Variants in DAB1 observed in about 807,000 individuals in gnomAD.
The protein encoded by DAB1 is disabled homolog 1.
A neutral mutation model predicts 64.6 loss-of-function variants in DAB1; 15 were observed. The ratio of observed to expected loss-of-function variants is 0.23; its 90% CI spans 0.16 to 0.36. DAB1 has a LOEUF of 0.36. Among genes scored for constraint, DAB1 ranks in the 10% least tolerant of loss-of-function variants. DAB1 has a pLI of 1.00. For missense variants in DAB1, 596 were observed against 706.7 expected (o/e 0.84, Z 1.78); for synonymous variants, 235 against 251.9 (o/e 0.93, Z 0.64).
At chr1:57,019,351 A>G (rs764110721) in intron 11 of DAB1, among the ~76,000 whole-genome samples, 6 of 151,880 alleles carry the variant, frequency 4.0e-5, no homozygotes, top group Non-Finnish European at 8.8e-5. Flanking sequence ...TTCCCCTCCC[A>G]TCTTTTATTT....
intron 5 of DAB1, among the ~76,000 whole-genome samples, chr1:57,908,200 G>T (rs1202797): frequency 6.6e-6 from 1 of 151,816 alleles, no homozygotes; most frequent in Non-Finnish European, 1.5e-5. Flanking sequence ...ACCAGCCCAG[G>T]GCCCAGGTCC....
chr1:57,792,174 T>G (rs1269632102), intron 6 of DAB1, among the ~76,000 whole-genome samples: 1 of 152,208 alleles, frequency 6.6e-6, no homozygotes, highest in Non-Finnish European at 1.5e-5. Flanking sequence ...ATTCTCATCT[T>G]GACATCCCCT....
Position 57,737,821 on chromosome 1 carries a change from T to C in DAB1, n.552-88156A>G, listed in dbSNP as rs74319496. On this transcript the variant is annotated intron_variant and non_coding_transcript_variant, in intron 6 of 20. Transcript: ENST00000485760. ...ATTATACCCTCACACAATCCTTTTG[T>C]AATTCTTGTCTTCAGAATATCAGGA... is the stretch of plus-strand genomic sequence containing the variant. 2.9e-3 allele frequency among the ~76,000 whole-genome samples: 440 copies of C among 152,344 alleles called. 21 individuals carry two copies. In the East Asian group the frequency reaches 0.078, roughly 27 times the overall value.
intron 1 of DAB1, among the ~76,000 whole-genome samples, chr1:57,422,831 C>G (rs1249524833): frequency 6.6e-6 from 1 of 152,196 alleles, no homozygotes; most frequent in Non-Finnish European, 1.5e-5. Flanking sequence ...CCACTGCCCC[C>G]CATCAGGCCC....
At chr1:57,597,378 T>A (rs940354261) in intron 7 of DAB1, among the ~76,000 whole-genome samples, 15 of 152,358 alleles carry the variant, frequency 9.8e-5, no homozygotes, top group South Asian at 2.1e-4. Flanking sequence ...AAAAATTCCC[T>A]TCCTAGCTGT....
chr1:57,972,361 C>T (rs930012317), intron 5 of DAB1, among the ~76,000 whole-genome samples: 1 of 152,138 alleles, frequency 6.6e-6, no homozygotes, highest in African/African-American at 2.4e-5. Context: ...CTCAGGCTCC[C>T]CAGTAACTAG....
In DAB1 at chr1:57,412,883, A is replaced by T. The variant is rs1684217891; in HGVS notation, c.-137+11047T>A. ...GATGAAGTTGGTTATACCACATAAC[A>T]AATTTTCAATGTAGACAAAACAGCC... is the stretch of plus-strand genomic sequence containing the variant. On this transcript the variant is annotated intron_variant, in intron 1 of 14. Coordinates refer to ENST00000371236, the MANE Select transcript of DAB1 (RefSeq NM_001365792.1). Among the ~76,000 whole-genome samples, 3 of 152,266 alleles carry T rather than the reference A, an allele frequency of 2.0e-5. No homozygotes were observed. The South Asian group carries it at 6.2e-4, about 32-fold the overall frequency.
chr1:57,921,451 C>G (rs1347248910), intron 5 of DAB1, among the ~76,000 whole-genome samples: 1 of 152,140 alleles, frequency 6.6e-6, no homozygotes, highest in East Asian at 1.9e-4. Flanking sequence ...GACTCCCTAA[C>G]TAGACATTAA....
At chr1:57,833,353 G>A (rs59139182) in intron 1 of DAB1, among the ~76,000 whole-genome samples, 2,336 of 152,080 alleles carry the variant, frequency 0.015, 68 homozygotes, top group East Asian at 0.13. Flanking sequence ...GTTTCACATC[G>A]TACCAAGTAC....
intron 2 of DAB1, among the ~76,000 whole-genome samples, chr1:57,213,428 T>G (rs1666182727): frequency 6.6e-6 from 1 of 152,150 alleles, no homozygotes; most frequent in Admixed American, 6.5e-5. Context: ...ATAGATAGTG[T>G]AGATCTAGAG....
At chr1:57,082,879 T>C (rs1652687942) in intron 4 of DAB1, among the ~76,000 whole-genome samples, 1 of 152,206 alleles carries the variant, frequency 6.6e-6, no homozygotes, top group South Asian at 2.1e-4. Flanking sequence ...TATCAGCCAG[T>C]ACTTTTCTAT....
chr1:57,053,895 C>T (rs1194322221), intron 9 of DAB1, among the ~76,000 whole-genome samples: 1 of 151,714 alleles, frequency 6.6e-6, no homozygotes, highest in African/African-American at 2.4e-5. Flanking sequence ...CCATGTTGGC[C>T]AGGTTGGTCT....
intron 9 of DAB1, among the ~76,000 whole-genome samples, chr1:57,060,995 T>C (rs1022602064): frequency 1.3e-5 from 2 of 151,794 alleles, no homozygotes; most frequent in East Asian, 3.9e-4. Flanking sequence ...AACTGAATTG[T>C]AGAGAATGGT....
At chr1:58,196,778 C>A (rs1657699957) in intron 4 of DAB1, among the ~76,000 whole-genome samples, 1 of 152,160 alleles carries the variant, frequency 6.6e-6, no homozygotes, top group Admixed American at 6.5e-5. Flanking sequence ...ACGGGGGAAA[C>A]CACCCCCATG....
intron 2 of DAB1, among the ~76,000 whole-genome samples, chr1:57,155,608 T>C (rs1189445462): frequency 6.6e-6 from 1 of 152,104 alleles, no homozygotes; most frequent in Non-Finnish European, 1.5e-5. Context: ...AAGGATTGTA[T>C]TGAATCTGGA....
At chr1:58,277,251 G>A (rs1287953960) in intron 4 of DAB1, among the ~76,000 whole-genome samples, 2 of 151,606 alleles carry the variant, frequency 1.3e-5, no homozygotes, top group African/African-American at 2.4e-5. Flanking sequence ...TGTTGGCCAC[G>A]CTGGTCTCAA....
intron 5 of DAB1, among the ~76,000 whole-genome samples, chr1:57,926,423 T>C (rs1326275737): frequency 2.6e-5 from 4 of 152,136 alleles, no homozygotes; most frequent in Admixed American, 2.6e-4. Flanking sequence ...AGCCTGGACT[T>C]AGGGGCCTGG....
At chr1:58,182,274 T>C (rs1342902360) in intron 4 of DAB1, among the ~76,000 whole-genome samples, 1 of 152,038 alleles carries the variant, frequency 6.6e-6, no homozygotes, top group Non-Finnish European at 1.5e-5. Context: ...TTTGTGTGTG[T>C]GTGTGTTTAT....
At chr1:57,071,879 TTTTA>T (rs1027918207) in intron 5 of DAB1, among the ~76,000 whole-genome samples, 1 of 152,196 alleles carries the variant, frequency 6.6e-6, no homozygotes, top group Non-Finnish European at 1.5e-5. Flanking sequence ...AAGGCATTGC[TTTTA>T]TTTATTAGTG....
Sources: allele counts gnomAD v4.1 joint callset (sites outside exome capture counted in the v4.1 genomes callset), GRCh38; gene constraint gnomAD v4.1.1; transcripts MANE v1.5; gene names NCBI Gene and HGNC (gene_info 2026-07-23, HGNC 2026-07-21).